Variants in MKX observed in about 807,000 individuals in gnomAD.
MKX encodes the protein homeobox protein Mohawk.
MKX carries 13 observed loss-of-function variants against 36.0 expected under a neutral mutation model. That is an observed-to-expected ratio of 0.36 (90% CI 0.24 to 0.57). MKX has a LOEUF of 0.57. MKX is among the 20% of genes least tolerant of loss of function. The pLI, the probability that MKX is intolerant of heterozygous loss-of-function variation, is 0.79. For synonymous variants in MKX, 176 were observed against 178.3 expected (o/e 0.99, Z 0.10); for missense variants, 458 against 456.4 (o/e 1.00, Z -0.03).
Position 27,734,771 on chromosome 10 carries a change from T to G in MKX, c.523A>C (p.Thr175Pro), listed in dbSNP as rs757672109. 6.2e-7 allele frequency: 1 copy of G among 1,611,556 alleles called. No homozygotes were observed. Among genetic ancestry groups the G allele is most frequent in the Non-Finnish European group, 8.5e-7 (1 of 1,178,346 alleles). The change falls in exon 5 of 7, where the codon ACC becomes CCC. Residue 175 changes from threonine to proline, a missense_variant. This residue lies in a region of MKX where 297 missense variants were observed against 304.4 expected (regional missense o/e 0.98). Transcript: ENST00000419761. ...CSEDGENPPRTHMNEGGYNTP... is the reference protein window; with the variant it reads ...CSEDGENPPRPHMNEGGYNTP... ...TTATAGCCCCCTTCGTTCATGTGGGTTCTTGGAGGATTTTCTCCATCTAAA... is the reference window on the plus strand; with the variant it reads ...TTATAGCCCCCTTCGTTCATGTGGGGTCTTGGAGGATTTTCTCCATCTAAA...
chr10:27,727,706 A>C (rs1428251301), intron 5 of MKX, among the ~76,000 whole-genome samples: 2 of 152,240 alleles, frequency 1.3e-5, no homozygotes, highest in Non-Finnish European at 1.5e-5. Flanking sequence ...TTCTCTTTTA[A>C]AAAGGCTGTC....
At chr10:27,710,753 G>C (rs1239115245) in intron 5 of MKX, among the ~76,000 whole-genome samples, 1 of 152,152 alleles carries the variant, frequency 6.6e-6, no homozygotes, top group East Asian at 1.9e-4. Context: ...CCACCTCCTA[G>C]GTTCAAGTGA....
chr10:27,681,042 G>A (rs991988456), intron 5 of MKX, among the ~76,000 whole-genome samples: 14 of 152,206 alleles, frequency 9.2e-5, no homozygotes, highest in Admixed American at 6.5e-4. Flanking sequence ...CCATACATAC[G>A]ACAGTGGCCC....
intron 5 of MKX, among the ~76,000 whole-genome samples, chr10:27,680,827 A>G (rs1162065579): frequency 6.6e-6 from 1 of 152,176 alleles, no homozygotes; most frequent in Non-Finnish European, 1.5e-5. Flanking sequence ...AAATGGAGGG[A>G]GTAGAAGAAA....
chr10:27,700,747 T>C (rs1235537685), intron 5 of MKX, among the ~76,000 whole-genome samples: 26 of 152,174 alleles, frequency 1.7e-4, no homozygotes, highest in Admixed American at 1.7e-3. Context: ...CAGCTAGTAA[T>C]ACAGTAGTGA....
chr10:27,740,507 T>C (rs1564368428), intron 3 of MKX, among the ~76,000 whole-genome samples: 2 of 152,152 alleles, frequency 1.3e-5, no homozygotes, highest in Admixed American at 6.5e-5. Flanking sequence ...CCCCAAGTCT[T>C]GATTATGTCA....
intron 5 of MKX, among the ~76,000 whole-genome samples, chr10:27,707,416 G>C (rs1836776774): frequency 6.6e-6 from 1 of 152,112 alleles, no homozygotes; most frequent in Non-Finnish European, 1.5e-5. Flanking sequence ...ATGCTACTGT[G>C]CCTAACTTGG....
In MKX at chr10:27,735,357, A is replaced by T. The variant is rs1834733140; in HGVS notation, c.366T>A (p.Ala122=). The T allele has an allele frequency of 1.2e-6, 2 of 1,611,956 alleles. No homozygotes were observed. Among genetic ancestry groups the T allele is most frequent in the African/African-American group, 1.3e-5 (1 of 74,822 alleles). Residue 122 remains alanine (A), a synonymous_variant, in exon 4 of 7, where the codon GCT becomes GCA. Coordinates refer to ENST00000419761, the MANE Select transcript of MKX (RefSeq NM_173576.3). The stretch of plus-strand genomic sequence containing the variant: ...TATTCTTAAGCCGACGTCTTGCATT[A>T]GCAAACCAATTTGACACCTAAAACA... ...MTLVQVSNWF[A]NARRRLKNTV... is the part of the protein sequence containing the mutation.
At chr10:27,695,450 C>T (rs115113282) in intron 5 of MKX, among the ~76,000 whole-genome samples, 1 of 150,946 alleles carries the variant, frequency 6.6e-6, no homozygotes, top group Non-Finnish European at 1.5e-5. Context: ...AAAAAAAAAT[C>T]TCATATTTTC....
intron 5 of MKX, among the ~76,000 whole-genome samples, chr10:27,729,235 A>C (rs1239643899): frequency 6.6e-6 from 1 of 152,164 alleles, no homozygotes; most frequent in African/African-American, 2.4e-5. Context: ...TAAATTTATA[A>C]AGTATATGCT....
Position 27,741,747 on chromosome 10 carries a change from G to C in MKX, c.189-243C>G, listed in dbSNP as rs1381506936. ...GGATACCTTGAACCCAATACCCCAA[G>C]GTTAGAGGTTTAGAAGACGAAGGTC... On this transcript the variant is annotated intron_variant, in intron 2 of 6. Transcript: ENST00000419761. This position sits in a 1 kb window ranked among gnomAD's most constrained non-coding sequence, Gnocchi z 5.1. Among the ~76,000 whole-genome samples the C allele has an allele frequency of 6.6e-6, 1 of 152,230 alleles. No homozygotes were observed. The highest frequency in any genetic ancestry group is 1.5e-5 in the Non-Finnish European group (1 of 68,044).
rs946752770 is a variant in MKX, at chr10:27,741,958, G to A, written c.189-454C>T. On this transcript the variant is annotated intron_variant, in intron 2 of 6. Transcript: ENST00000419761. This position sits in a 1 kb window ranked among gnomAD's most constrained non-coding sequence, Gnocchi z 5.1. ...TGTCTGCTCCCAGAGGCTTTCCGTCGCTTGTGGTCAGGGGAAAGGTCGCCG... is the reference window on the plus strand; with the variant it reads ...TGTCTGCTCCCAGAGGCTTTCCGTCACTTGTGGTCAGGGGAAAGGTCGCCG... Among the ~76,000 whole-genome samples the A allele has an allele frequency of 2.6e-5, 4 of 152,138 alleles. No individual in the cohort carries two copies. The highest frequency in any genetic ancestry group is 9.7e-5 in the African/African-American group (4 of 41,436).
rs557528430 is a variant in MKX at position 27,705,786 on chromosome 10, A to G, written c.838+28670T>C. On this transcript the variant is annotated intron_variant, in intron 5 of 6. Transcript: ENST00000419761. ...AAATACACTAGTCATCATAGTCCAAATCAAAGACAAATAATTCTAGCCTAT... is the reference window on the plus strand; with the variant it reads ...AAATACACTAGTCATCATAGTCCAAGTCAAAGACAAATAATTCTAGCCTAT... Among the ~76,000 whole-genome samples the G allele has an allele frequency of 2.6e-5, 4 of 152,366 alleles. No homozygotes were observed. In the South Asian group the frequency reaches 8.3e-4, roughly 32 times the overall value.
rs1564369673 is a variant in MKX at position 27,743,216 on chromosome 10, G to T, written c.188+12C>A. 1.8e-5 allele frequency: 26 copies of T among 1,474,040 alleles called. No homozygotes were observed. The highest frequency in any genetic ancestry group is 2.3e-5 in the Non-Finnish European group (26 of 1,117,344). 91.3% of individuals were successfully genotyped at this position (1,474,040 alleles called of 1,614,324 possible). ...CCGCAGGCGGGCAGGGCCCCCAGGG[G>T]AGTGCGCATACCCGGTCCTCCGGTG... On this transcript the variant is annotated intron_variant, in intron 2 of 6. Coordinates refer to ENST00000419761, the MANE Select transcript of MKX (RefSeq NM_173576.3).
At chr10:27,734,826 T>G in intron 4 of MKX, 35 bp from the exon 5 acceptor site, 1 of 1,433,762 alleles carries the variant, frequency 7.0e-7, no homozygotes, top group Non-Finnish European at 9.4e-7. Context: ...TAGGGTGGTA[T>G]GCATACTTTC....
At chr10:27,711,867 T>C (rs1455333074) in intron 5 of MKX, among the ~76,000 whole-genome samples, 2 of 152,102 alleles carry the variant, frequency 1.3e-5, no homozygotes, top group East Asian at 3.9e-4. Flanking sequence ...CATGAACAAC[T>C]GTGTTCATCC....
At chr10:27,708,310 C>G (rs544509816) in intron 5 of MKX, among the ~76,000 whole-genome samples, 1 of 152,230 alleles carries the variant, frequency 6.6e-6, no homozygotes, top group Admixed American at 6.5e-5. Context: ...TGGTTTAGCT[C>G]ACTGACCATC....
At chr10:27,679,400 CG>C (rs1490142558) in intron 5 of MKX, among the ~76,000 whole-genome samples, 1 of 148,580 alleles carries the variant, frequency 6.7e-6, no homozygotes, top group Non-Finnish European at 1.5e-5. Flanking sequence ...TGGGAAGGGC[CG>C]GGGGTGGGCA....
rs906540630 is a variant in MKX at position 27,741,294 on chromosome 10, C to A, written c.348+51G>T. ...CACACGAACTCTAAGCGTTCCCGCT[C>A]TTCAGCCCCTCGCGGGAAAACGGAT... On this transcript the variant is annotated intron_variant, in intron 3 of 6. Transcript: ENST00000419761. This position sits in a 1 kb window ranked among gnomAD's most constrained non-coding sequence, Gnocchi z 5.1. 4 of 1,604,808 alleles carry A rather than the reference C, an allele frequency of 2.5e-6. No homozygotes were observed. In the Admixed American group the frequency reaches 5.2e-5, roughly 21 times the overall value.
Sources: allele counts gnomAD v4.1 joint callset (sites outside exome capture counted in the v4.1 genomes callset), GRCh38; gene constraint gnomAD v4.1.1; regional missense constraint gnomAD v4.1.1; non-coding constraint Gnocchi (gnomAD v3.1); transcripts MANE v1.5; gene names NCBI Gene and HGNC (gene_info 2026-07-23, HGNC 2026-07-21).